MRPS9: variants seen among roughly 807,000 people sequenced by gnomAD.
The protein encoded by MRPS9 is mitochondrial ribosomal protein S9.
Under a neutral mutation model 59.9 loss-of-function variants are expected in MRPS9, and 45 were observed. The ratio of observed to expected loss-of-function variants is 0.75; its 90% CI spans 0.59 to 0.96. The LOEUF (loss-of-function observed/expected upper bound fraction) is 0.96, where lower values mean the gene tolerates loss of function less well. Ranked by LOEUF, MRPS9 falls within the 40% of genes least tolerant of loss-of-function variation. The pLI is 0.00. For synonymous variants in MRPS9, 171 were observed against 166.8 expected (o/e 1.03, Z -0.19); for missense variants, 473 against 481.1 (o/e 0.98, Z 0.16).
chr2:105,088,228 T>C (rs1428152779), intron 5 of MRPS9, among the ~76,000 whole-genome samples: 1 of 152,104 alleles, frequency 6.6e-6, no homozygotes, highest in African/African-American at 2.4e-5. Context: ...TAAATACAAA[T>C]GTATTGAGTG....
chr2:105,085,195 T>C (rs1450844781), intron 5 of MRPS9, among the ~76,000 whole-genome samples: 1 of 152,206 alleles, frequency 6.6e-6, no homozygotes, highest in Non-Finnish European at 1.5e-5. Context: ...ATAACAGAAG[T>C]ATGTCACTTG....
chr2:105,060,064 A>G (rs1167529044), intron 2 of MRPS9, among the ~76,000 whole-genome samples: 1 of 134,926 alleles, frequency 7.4e-6, no homozygotes, highest in Non-Finnish European at 1.6e-5. Context: ...CTAACATTTT[A>G]TTTGCCTTCA....
intron 1 of MRPS9, among the ~76,000 whole-genome samples, chr2:105,043,442 CA>C (rs1679536667): frequency 1.3e-5 from 2 of 152,188 alleles, no homozygotes; most frequent in Admixed American, 1.3e-4. Flanking sequence ...GCACCTGACT[CA>C]AAGTAATCCT....
At chr2:105,048,477 A>G (rs1219492099) in intron 1 of MRPS9, among the ~76,000 whole-genome samples, 2 of 151,932 alleles carry the variant, frequency 1.3e-5, no homozygotes, top group Non-Finnish European at 2.9e-5. Flanking sequence ...CATTGTGCAC[A>G]TGTACCCTAA....
In MRPS9 at chr2:105,054,595, CATTTTATTAA is replaced by C. The variant is rs1283467858; in HGVS notation, c.315+5248_315+5257del. Among the ~76,000 whole-genome samples the C allele has an allele frequency of 3.3e-5, 5 of 151,494 alleles. No homozygotes were observed. The East Asian group carries it at 9.7e-4, about 29-fold the overall frequency. Reference sequence around the variant, plus strand: ...ATATAGCGGACCCCTTTTGGTATCGCATTTTATTAAATATAGCGGGCCCCTTTTGGTATCG... The same window carrying C: ...ATATAGCGGACCCCTTTTGGTATCGCATATAGCGGGCCCCTTTTGGTATCG... On this transcript the variant is annotated intron_variant, in intron 2 of 10. Transcript: ENST00000258455.
chr2:105,072,744 T>C (rs112137364), intron 4 of MRPS9, among the ~76,000 whole-genome samples: 2,694 of 152,286 alleles, frequency 0.018, 81 homozygotes, highest in African/African-American at 0.062. Context: ...TATTTTGCAG[T>C]GGTATTTCTG....
intron 5 of MRPS9, among the ~76,000 whole-genome samples, chr2:105,082,273 A>G (rs1680362440): frequency 6.6e-6 from 1 of 152,194 alleles, no homozygotes; most frequent in Admixed American, 6.5e-5. Flanking sequence ...AGGGTAACAG[A>G]CACTAAGCCA....
chr2:105,087,276 C>G (rs1450402375), intron 5 of MRPS9, among the ~76,000 whole-genome samples: 1 of 152,054 alleles, frequency 6.6e-6, no homozygotes, highest in Non-Finnish European at 1.5e-5. Context: ...TGGATATGTA[C>G]TTGGGATGTA....
chr2:105,092,050 C>T (rs1323956672), intron 7 of MRPS9: 1 of 174,110 alleles, frequency 5.7e-6, no homozygotes, highest in East Asian at 1.6e-4. Flanking sequence ...TTATAAAGCT[C>T]CCCTTGATAC....
At position 105,080,028 on chromosome 2, in the gene MRPS9, A is replaced by G. The variant is rs1352200087; in HGVS notation, c.455A>G (p.Tyr152Cys). 16 of 1,611,488 alleles carry G rather than the reference A, an allele frequency of 9.9e-6. No homozygotes were observed. The highest frequency in any genetic ancestry group is 2.2e-5 in the South Asian group (2 of 90,758). ...GGCCGTCCATTTCACTATCTCTTCT[A>G]TACTGGCAAACAGTCATACTATTCA... ...EDGRPFHYLF[Y>C]TGKQSYYSLM... The change falls in exon 5 of 11, where the codon TAT becomes TGT. Residue 152 changes from tyrosine (Y) to cysteine (C), a missense_variant. By Grantham distance (194) the Tyr-to-Cys change is radical. Transcript: ENST00000258455.
At chr2:105,084,972 A>G (rs1463194719) in intron 5 of MRPS9, among the ~76,000 whole-genome samples, 1 of 152,298 alleles carries the variant, frequency 6.6e-6, no homozygotes, top group African/African-American at 2.4e-5. Flanking sequence ...AATTACTATA[A>G]TATATGATGG....
At chr2:105,045,492 AAAAAC>A (rs1679576159) in intron 1 of MRPS9, among the ~76,000 whole-genome samples, 1 of 151,994 alleles carries the variant, frequency 6.6e-6, no homozygotes, top group African/African-American at 2.4e-5. Flanking sequence ...ATTGGGTTAA[AAAAAC>A]AAAACCTAAA....
chr2:105,098,026 G>A (rs999774350), intron 10 of MRPS9, among the ~76,000 whole-genome samples: 1 of 152,192 alleles, frequency 6.6e-6, no homozygotes, highest in African/African-American at 2.4e-5. Flanking sequence ...TAATTATTTG[G>A]TTAGTGATAA....
chr2:105,040,835 T>A (rs1043329398), intron 1 of MRPS9, among the ~76,000 whole-genome samples: 2 of 152,204 alleles, frequency 1.3e-5, no homozygotes, highest in Non-Finnish European at 1.5e-5. Flanking sequence ...CTAGAGTTGT[T>A]GACCAGGTAG....
At chr2:105,042,237 T>C (rs1231019387) in intron 1 of MRPS9, among the ~76,000 whole-genome samples, 1 of 152,202 alleles carries the variant, frequency 6.6e-6, no homozygotes, top group African/African-American at 2.4e-5. Flanking sequence ...GGCTCCACTG[T>C]GGGTGGGGAG....
In MRPS9 at chr2:105,099,948, A is replaced by C; in HGVS notation, c.*187A>C. ...TTTAAAAAATAAAAGGAAAATAAAG[A>C]ATGTTAGTTTCATTCTGCCGCTTTA... On this transcript the variant is annotated 3_prime_UTR_variant, in exon 11 of 11. Coordinates refer to ENST00000258455, the MANE Select transcript of MRPS9 (RefSeq NM_182640.3). 1 of 483,098 alleles carries C rather than the reference A, an allele frequency of 2.1e-6. No individual in the cohort carries two copies. Among genetic ancestry groups the C allele is most frequent in the Non-Finnish European group, 3.6e-6 (1 of 274,032 alleles). The allele number at this position is 483,098 out of a possible 1,614,324, so 29.9% of individuals were successfully genotyped here.
At position 105,094,426 on chromosome 2, in the gene MRPS9, A is replaced by C. The variant is rs530821307; in HGVS notation, c.929+788A>C. Reference sequence around the variant, plus strand: ...TTCCCAGTACTTACTGTCATTATCCACGAGTAACAGAAGTTTGGTATGATT... The same window carrying C: ...TTCCCAGTACTTACTGTCATTATCCCCGAGTAACAGAAGTTTGGTATGATT... On this transcript the variant is annotated intron_variant, in intron 9 of 10. Transcript: ENST00000258455. Among the ~76,000 whole-genome samples, 3 of 152,282 alleles carry C rather than the reference A, an allele frequency of 2.0e-5. No homozygotes were observed. In the South Asian group the frequency reaches 6.2e-4, roughly 32 times the overall value.
intron 7 of MRPS9, among the ~76,000 whole-genome samples, chr2:105,090,913 T>A (rs1680545059): frequency 1.3e-5 from 2 of 152,198 alleles, no homozygotes; most frequent in Non-Finnish European, 2.9e-5. Flanking sequence ...AAAGTTGCAG[T>A]TTGCTTAAAC....
chr2:105,059,690 A>G (rs1361672095), intron 2 of MRPS9, among the ~76,000 whole-genome samples: 2 of 152,022 alleles, frequency 1.3e-5, no homozygotes, highest in African/African-American at 4.8e-5. Flanking sequence ...ATTTCTGTTA[A>G]TTCTGTCATG....
Sources: allele counts gnomAD v4.1 joint callset (sites outside exome capture counted in the v4.1 genomes callset), GRCh38; gene constraint gnomAD v4.1.1; transcripts MANE v1.5; gene names NCBI Gene and HGNC (gene_info 2026-07-23, HGNC 2026-07-21).